DRAXIN: variants seen among roughly 807,000 people sequenced by gnomAD.
The protein encoded by DRAXIN is dorsal inhibitory axon guidance protein, also known as dorsal repulsive axon guidance protein.
DRAXIN carries 27 observed loss-of-function variants against 33.9 expected under a neutral mutation model. The observed-to-expected ratio is 0.80, with a 90% CI of 0.59 to 1.10. The LOEUF is 1.10. Ranked by LOEUF, DRAXIN falls within the 50% of genes least tolerant of loss-of-function variation. The pLI is 0.00. For missense variants in DRAXIN, 371 were observed against 460.8 expected (o/e 0.81, Z 1.78); for synonymous variants, 178 against 194.0 (o/e 0.92, Z 0.69).
Position 11,709,335 on chromosome 1 carries a change from A to G in DRAXIN, c.512A>G (p.Gln171Arg). The change falls in exon 3 of 7, where the codon CAG becomes CGG. Residue 171 changes from glutamine to arginine, a missense_variant. Gln to Arg is a conservative substitution (Grantham distance 43). Coordinates refer to ENST00000294485, the MANE Select transcript of DRAXIN (RefSeq NM_198545.4). ...AAGAAGGCAGAGCTCTCCGAAGCCC[A>G]GGTGCTGGATGCAGCCATGGAGGAA... ...LMKKAELSEA[Q>R]VLDAAMEESS... 6.2e-7 allele frequency: 1 copy of G among 1,613,942 alleles called. No individual in the cohort carries two copies. Among genetic ancestry groups the G allele is most frequent in the Non-Finnish European group, 8.5e-7 (1 of 1,179,924 alleles).
At chr1:11,693,291 C>T (rs1641130693) in intron 1 of DRAXIN, among the ~76,000 whole-genome samples, 1 of 152,108 alleles carries the variant, frequency 6.6e-6, no homozygotes, top group Non-Finnish European at 1.5e-5. Context: ...CGGTGACTCA[C>T]CCCCAATTCT....
intron 3 of DRAXIN, among the ~76,000 whole-genome samples, 164 bp from the exon 4 acceptor site, chr1:11,711,687 C>T (rs1331286003): frequency 2.0e-5 from 3 of 152,190 alleles, no homozygotes; most frequent in Non-Finnish European, 4.4e-5. Context: ...GAACAGGAGC[C>T]TCCGGCAGCC....
At chr1:11,712,527 TTGACCCTTCATGGA>T in intron 5 of DRAXIN, 98 bp downstream of exon 5, 1 of 1,197,730 alleles carries the variant, frequency 8.3e-7, no homozygotes, top group Non-Finnish European at 1.2e-6. Flanking sequence ...CTGAGAATCC[TTGACCCTTCATGGA>T]TGATAAATAA....
Position 11,712,380 on chromosome 1 carries a change from A to G in DRAXIN, c.798A>G (p.Thr266=). ...RGKLSSDGNE[T]SPAEGEPCDH... The stretch of plus-strand genomic sequence containing the variant: ...AACTCTCCAGTGATGGTAACGAAAC[A>G]TCACCAGCCGAAGGGGAACCATGCG... Residue 266 remains threonine, a synonymous_variant, in exon 5 of 7, where the codon ACA becomes ACG. Transcript: ENST00000294485. 1 of 1,614,080 alleles carries G rather than the reference A, an allele frequency of 6.2e-7. No individual in the cohort carries two copies. Among genetic ancestry groups the G allele is most frequent in the Non-Finnish European group, 8.5e-7 (1 of 1,179,998 alleles).
chr1:11,712,097 G>A, intron 4 of DRAXIN, 132 bp downstream of exon 4: 3 of 936,204 alleles, frequency 3.2e-6, no homozygotes, highest in Non-Finnish European at 5.0e-6. Context: ...GAGAGGGGGA[G>A]CATGGAGCCT....
Position 11,706,735 on chromosome 1 carries a change from G to A in DRAXIN, c.451+26G>A, listed in dbSNP as rs1485122696. 1.3e-6 allele frequency: 2 copies of A among 1,518,758 alleles called. No homozygotes were observed. The highest frequency in any genetic ancestry group is 4.8e-5 in the East Asian group (2 of 42,066). The allele number at this position is 1,518,758 out of a possible 1,614,324, so 94.1% of individuals were successfully genotyped here. A position where few individuals can be genotyped will look rare whatever the true frequency, so the allele number is the denominator to read the frequency against. ...GTAGCTGGAGGGCTGCGAGGGGTGGGGATGGGGGTGATTCCTGCCATGGAC... is the reference window on the plus strand; with the variant it reads ...GTAGCTGGAGGGCTGCGAGGGGTGGAGATGGGGGTGATTCCTGCCATGGAC... On this transcript the variant is annotated intron_variant, in intron 2 of 6. Coordinates refer to ENST00000294485, the MANE Select transcript of DRAXIN (RefSeq NM_198545.4). The surrounding 1 kb of genome is among the most constrained non-coding windows in gnomAD (Gnocchi z 5.5).
Position 11,720,613 on chromosome 1 carries a change from A to AAAAAAAAAAAAAAG in DRAXIN, c.*917_*918insAAAAAAAAAAAAAG, listed in dbSNP as rs1553171600. ...CATCTCAAAAAAAAAAAAAAAAAAA[A>AAAAAAAAAAAAAAG]GCACATCTGACTCAGTGGGCTCTGT... On this transcript the variant is annotated 3_prime_UTR_variant, in exon 7 of 7. Coordinates refer to ENST00000294485, the MANE Select transcript of DRAXIN (RefSeq NM_198545.4). The AAAAAAAAAAAAAAG allele has an allele frequency of 1.5e-5, 2 of 137,010 alleles. 1 individual carries two copies. 8.5% of individuals were successfully genotyped at this position (137,010 alleles called of 1,614,324 possible).
intron 5 of DRAXIN, among the ~76,000 whole-genome samples, chr1:11,714,694 C>G (rs914318317): frequency 6.6e-6 from 1 of 152,278 alleles, no homozygotes; most frequent in Non-Finnish European, 1.5e-5. Flanking sequence ...GCCGACTGGA[C>G]AGTCGCTCTG....
intron 5 of DRAXIN, among the ~76,000 whole-genome samples, chr1:11,713,506 CAAG>C (rs1160547260): frequency 6.6e-6 from 1 of 152,214 alleles, no homozygotes; most frequent in East Asian, 1.9e-4. Flanking sequence ...AGTCTAAAAA[CAAG>C]AAGCCGGACG....
At position 11,711,317 on chromosome 1, in the gene DRAXIN, C is replaced by G. The variant is rs17037325; in HGVS notation, c.643-534C>G. Among the ~76,000 whole-genome samples the G allele has an allele frequency of 9.5e-3, 1,453 of 152,330 alleles. 19 individuals are homozygous for G. Among genetic ancestry groups the G allele is most frequent in the African/African-American group, 0.033 (1,385 of 41,560 alleles). ...TGCGGTTCCTGCCCATGCCCTAGTG[C>G]TCGCACATGCCCGTGTGTAGATCCA... On this transcript the variant is annotated intron_variant, in intron 3 of 6. Coordinates refer to ENST00000294485, the MANE Select transcript of DRAXIN (RefSeq NM_198545.4).
At chr1:11,687,685 C>T (rs888685710), upstream of DRAXIN, among the ~76,000 whole-genome samples, 2 of 152,322 alleles carry the variant, frequency 1.3e-5, no homozygotes, top group South Asian at 2.1e-4. This position sits in a 1 kb window ranked among gnomAD's most constrained non-coding sequence, Gnocchi z 4.1. Flanking sequence ...CTGGACTTGC[C>T]AATACGGAAC....
intron 1 of DRAXIN, among the ~76,000 whole-genome samples, chr1:11,699,725 G>C (rs1488101378): frequency 1.3e-5 from 2 of 150,926 alleles, no homozygotes; most frequent in Non-Finnish European, 3.0e-5. Flanking sequence ...TCAGGAGTTC[G>C]AGACCAGCCT....
At chr1:11,690,740 C>G (rs546300610), upstream of DRAXIN, among the ~76,000 whole-genome samples, 1 of 152,272 alleles carries the variant, frequency 6.6e-6, no homozygotes, top group Admixed American at 6.5e-5. The surrounding 1 kb of genome is among the most constrained non-coding windows in gnomAD (Gnocchi z 4.2). Flanking sequence ...CCCCACCGAC[C>G]CCGTCGTGAG....
At chr1:11,691,138 G>A (rs1435509205), upstream of DRAXIN, among the ~76,000 whole-genome samples, 22 of 152,232 alleles carry the variant, frequency 1.4e-4, 1 homozygote, top group East Asian at 4.1e-3. Context: ...CAAAGGCCCC[G>A]CCGTTCCCCG....
chr1:11,712,620 C>T (rs1224949596), intron 5 of DRAXIN, among the ~76,000 whole-genome samples, 191 bp downstream of exon 5: 7 of 152,224 alleles, frequency 4.6e-5, no homozygotes, highest in African/African-American at 1.7e-4. Flanking sequence ...TATTCACAGC[C>T]AGGCACGGTG....
Position 11,706,992 on chromosome 1 carries a change from T to C in DRAXIN, c.451+283T>C, listed in dbSNP as rs1641394762. ...ACTTTGGGAGGCCGAGGCGGGCGGA[T>C]CATGAGATCAGGAGATCGAGACCAC... On this transcript the variant is annotated intron_variant, in intron 2 of 6. Transcript: ENST00000294485. The surrounding 1 kb of genome is among the most constrained non-coding windows in gnomAD (Gnocchi z 5.5). Among the ~76,000 whole-genome samples the C allele has an allele frequency of 1.3e-5, 2 of 151,980 alleles. No individual in the cohort carries two copies. The highest frequency in any genetic ancestry group is 4.1e-4 in the South Asian group (2 of 4,820).
At chr1:11,714,821 G>A (rs1641549639) in intron 5 of DRAXIN, among the ~76,000 whole-genome samples, 1 of 152,212 alleles carries the variant, frequency 6.6e-6, no homozygotes, top group Non-Finnish European at 1.5e-5. Flanking sequence ...ACACCTGGCA[G>A]CCCCCAGCTG....
Position 11,706,182 on chromosome 1 carries a change from T to G in DRAXIN, c.-10-67T>G. 1 of 1,392,578 alleles carries G rather than the reference T, an allele frequency of 7.2e-7. No individual in the cohort carries two copies. The highest frequency in any genetic ancestry group is 2.8e-5 in the Admixed American group (1 of 35,088). 86.3% of individuals were successfully genotyped at this position (1,392,578 alleles called of 1,614,324 possible). On this transcript the variant is annotated intron_variant, in intron 1 of 6. Coordinates refer to ENST00000294485, the MANE Select transcript of DRAXIN (RefSeq NM_198545.4). This position sits in a 1 kb window ranked among gnomAD's most constrained non-coding sequence, Gnocchi z 5.5. ...GCTGTTGAGAAAAACTGGGCTTTAA[T>G]CATTTGAGTGAGGGGCAGCAGAGAG... is the stretch of plus-strand genomic sequence containing the variant.
At chr1:11,698,997 A>C (rs573632235) in intron 1 of DRAXIN, among the ~76,000 whole-genome samples, 205 of 152,328 alleles carry the variant, frequency 1.3e-3, no homozygotes, top group Non-Finnish European at 2.4e-3. Context: ...AGTATCCGGA[A>C]GGGAAGATTT....
Sources: gnomAD v4.1 joint callset for allele counts (sites outside exome capture counted in the v4.1 genomes callset) on GRCh38, gnomAD v4.1.1 for gene constraint, Gnocchi (gnomAD v3.1) non-coding constraint, MANE v1.5 for transcripts, NCBI Gene and HGNC (gene_info 2026-07-23, HGNC 2026-07-21) for gene names.